Variants in ACOT1 observed in about 807,000 individuals in gnomAD.
The protein encoded by ACOT1 is acyl-coenzyme A thioesterase 1.
In ACOT1, 8 loss-of-function variants were observed where a neutral mutation model predicts 15.7. That is an observed-to-expected ratio of 0.51 (90% CI 0.30 to 0.92). ACOT1 has a LOEUF of 0.92. ACOT1 is among the 40% of genes least tolerant of loss of function. ACOT1 has a pLI of 0.06. For synonymous variants in ACOT1, 67 were observed against 241.2 expected (o/e 0.28, Z 6.69); for missense variants, 151 against 539.4 (o/e 0.28, Z 7.13).
chr14:73,513,943 T>C, the ACOT1 span: 4 of 1,340,484 alleles, frequency 3.0e-6, no homozygotes, highest in South Asian at 1.2e-5. Context: ...AAAGGAGGGA[T>C]GGATTTTTCA....
chr14:73,491,969 C>T, the ACOT1 span: 1 of 1,613,992 alleles, frequency 6.2e-7, no homozygotes, highest in Non-Finnish European at 8.5e-7. Context: ...GCTTCAAGAG[C>T]AGTTTGGAAG....
the ACOT1 span, chr14:73,493,033 T>TA: frequency 1.3e-6 from 2 of 1,599,902 alleles, no homozygotes; most frequent in Admixed American, 1.8e-5. Context: ...CTCACGTTCT[T>TA]ACCTTGATAA....
At chr14:73,535,469 C>CTTTTTTTTTTTTTTTTTTTTTTTTTT (rs869167008), upstream of ACOT1, among the ~76,000 whole-genome samples, 4 of 16,534 alleles carry the variant, frequency 2.4e-4, 2 homozygotes, top group Non-Finnish European at 5.5e-4. Flanking sequence ...TTTCTTCTTT[C>CTTTTTTTTTTTTTTTTTTTTTTTTTT]TTTTTTTTTT....
chr14:73,512,243 G>T, the ACOT1 span: 2 of 1,410,348 alleles, frequency 1.4e-6, no homozygotes, highest in Non-Finnish European at 1.9e-6. Context: ...CCTTCACCCA[G>T]AATAATTCAA....
chr14:73,493,874 A>T, the ACOT1 span, among the ~76,000 whole-genome samples: 5 of 152,332 alleles, frequency 3.3e-5, no homozygotes, highest in East Asian at 7.7e-4. Flanking sequence ...ATCTTATCTG[A>T]TTGGGACCAG....
At chr14:73,498,104 T>G in the ACOT1 span, 109 of 1,509,408 alleles carry the variant, frequency 7.2e-5, no homozygotes, top group Middle Eastern at 2.4e-4. Context: ...AGCAAAGATG[T>G]GAGAGTTGGC....
At chr14:73,491,083 C>G in the ACOT1 span, 1 of 1,599,496 alleles carries the variant, frequency 6.3e-7, no homozygotes, top group Non-Finnish European at 8.5e-7. Context: ...GGCGCAAGCC[C>G]CAGCCACACA....
At chr14:73,534,861 C>G (rs1220420659), upstream of ACOT1, among the ~76,000 whole-genome samples, 1 of 101,212 alleles carries the variant, frequency 9.9e-6, no homozygotes, top group Non-Finnish European at 2.1e-5. Context: ...AAGCTGGTAT[C>G]GAATTCCTCC....
chr14:73,505,280 A>AAT, the ACOT1 span, among the ~76,000 whole-genome samples: 1 of 152,210 alleles, frequency 6.6e-6, no homozygotes, highest in Non-Finnish European at 1.5e-5. Flanking sequence ...GAAAAGTTTT[A>AAT]AAAGGGTACC....
the ACOT1 span, chr14:73,500,558 C>G: frequency 6.2e-7 from 1 of 1,612,630 alleles, no homozygotes; most frequent in South Asian, 1.1e-5. Flanking sequence ...ACCATCTTGT[C>G]GCGGATCTGC....
chr14:73,533,817 G>C (rs1888781631), upstream of ACOT1, among the ~76,000 whole-genome samples: 1 of 106,488 alleles, frequency 9.4e-6, no homozygotes, highest in South Asian at 3.1e-4. Context: ...AGAGGCCAAG[G>C]CAGGATGATC....
At chr14:73,493,693 C>T in the ACOT1 span, among the ~76,000 whole-genome samples, 2 of 152,050 alleles carry the variant, frequency 1.3e-5, no homozygotes, top group Non-Finnish European at 2.9e-5. Context: ...CAAAAATTAG[C>T]CAGGCATAGT....
chr14:73,510,420 G>T, the ACOT1 span, among the ~76,000 whole-genome samples: 1 of 148,738 alleles, frequency 6.7e-6, no homozygotes, highest in African/African-American at 2.5e-5. Context: ...CTGTTGGCTG[G>T]AGTTTTTTTG....
At chr14:73,519,191 C>G in the ACOT1 span, 3 of 1,588,436 alleles carry the variant, frequency 1.9e-6, no homozygotes, top group Non-Finnish European at 2.6e-6. Flanking sequence ...AACAATGAGT[C>G]CCCTATAACC....
chr14:73,504,712 G>T, the ACOT1 span, among the ~76,000 whole-genome samples: 1 of 152,124 alleles, frequency 6.6e-6, no homozygotes, highest in Admixed American at 6.5e-5. Context: ...AAAATGTCAG[G>T]GTTACAGAGT....
the ACOT1 span, chr14:73,514,146 C>A: frequency 6.2e-7 from 1 of 1,614,206 alleles, no homozygotes; most frequent in Non-Finnish European, 8.5e-7. Context: ...TCTTAATAGG[C>A]ACATCCTTCT....
the ACOT1 span, chr14:73,502,872 T>A: frequency 6.4e-7 from 1 of 1,550,790 alleles, no homozygotes; most frequent in Non-Finnish European, 8.9e-7. Context: ...GAAGAGTGTC[T>A]CCTCATGTTG....
chr14:73,506,804 G>GTTTTTTTTTTTTTTTTTTTTTTT, the ACOT1 span, among the ~76,000 whole-genome samples: 71 of 80,488 alleles, frequency 8.8e-4, 6 homozygotes, highest in East Asian at 4.0e-3. Context: ...GACTTTAACT[G>GTTTTTTTTTTTTTTTTTTTTTTT]TTTTTTTTTT....
At chr14:73,517,674 AAAAAAAAG>A in the ACOT1 span, among the ~76,000 whole-genome samples, 5 of 150,174 alleles carry the variant, frequency 3.3e-5, no homozygotes, top group African/African-American at 1.2e-4. Context: ...TCAAAAAAAA[AAAAAAAAG>A]AAGAAGAAAA....
Sources: allele counts gnomAD v4.1 joint callset (sites outside exome capture counted in the v4.1 genomes callset), GRCh38; gene constraint gnomAD v4.1.1; transcripts MANE v1.5; gene names NCBI Gene and HGNC (gene_info 2026-07-23, HGNC 2026-07-21).